The following PPP2R2C variants were observed in gnomAD, a reference collection of about 807,000 sequenced individuals.
PPP2R2C encodes protein phosphatase 2, regulatory subunit B, gamma.
Under a neutral mutation model 45.3 loss-of-function variants are expected in PPP2R2C, and 10 were observed. The observed-to-expected ratio is 0.22, with a 90% confidence interval of 0.14 to 0.37. The LOEUF (loss-of-function observed/expected upper bound fraction) is 0.37, where lower values mean the gene tolerates loss of function less well. Ranked by LOEUF, PPP2R2C falls within the 10% of genes least tolerant of loss-of-function variation. PPP2R2C has a pLI of 1.00. For synonymous variants in PPP2R2C, 257 were observed against 245.4 expected (o/e 1.05, Z -0.44); for missense variants, 308 against 619.7 (o/e 0.50, Z 5.34).
intron 2 of PPP2R2C, among the ~76,000 whole-genome samples, chr4:6,479,026 C>T (rs866238315): frequency 7.9e-5 from 12 of 152,200 alleles, no homozygotes; most frequent in African/African-American, 2.7e-4. Flanking sequence ...CTCAGCGGAG[C>T]GTGCAAGTAC....
At chr4:6,456,307 T>C (rs10601452) in intron 1 of PPP2R2C, among the ~76,000 whole-genome samples, 124 of 81,502 alleles carry the variant, frequency 1.5e-3, no homozygotes, top group African/African-American at 8.3e-3. Flanking sequence ...GGATGTTATT[T>C]CCCCCCCCCC....
At chr4:6,552,715 A>G (rs1725224450) in intron 1 of PPP2R2C, among the ~76,000 whole-genome samples, 1 of 152,196 alleles carries the variant, frequency 6.6e-6, no homozygotes, top group Non-Finnish European at 1.5e-5. Flanking sequence ...TTTGCCATGT[A>G]AGGTAACAAA....
intron 1 of PPP2R2C, among the ~76,000 whole-genome samples, chr4:6,448,269 CT>C (rs1720541724): frequency 6.6e-6 from 1 of 152,142 alleles, no homozygotes; most frequent in Admixed American, 6.5e-5. Context: ...GATGGGTACA[CT>C]GGGCACAGGC....
intron 1 of PPP2R2C, among the ~76,000 whole-genome samples, chr4:6,416,395 C>T (rs924457545): frequency 3.3e-5 from 5 of 152,188 alleles, no homozygotes; most frequent in African/African-American, 4.8e-5. Context: ...TCCACCATCC[C>T]GTGAAAATAC....
chr4:6,348,663 T>C (rs1712237142), intron 5 of PPP2R2C: 1 of 985,298 alleles, frequency 1.0e-6, no homozygotes, highest in Admixed American at 6.1e-5. Flanking sequence ...AAGGCTGGGA[T>C]GCAGCTTGGT....
At chr4:6,438,154 G>T (rs1032885500) in intron 1 of PPP2R2C, among the ~76,000 whole-genome samples, 1 of 152,184 alleles carries the variant, frequency 6.6e-6, no homozygotes, top group Non-Finnish European at 1.5e-5. Flanking sequence ...TATCTGGTCT[G>T]CATTTAACAA....
At chr4:6,553,764 G>C (rs1459543218) in intron 1 of PPP2R2C, among the ~76,000 whole-genome samples, 1 of 152,100 alleles carries the variant, frequency 6.6e-6, no homozygotes, top group Non-Finnish European at 1.5e-5. Flanking sequence ...TTTTTTATCA[G>C]ATGTCAGTGC....
chr4:6,460,647 T>C (rs1027336480), intron 1 of PPP2R2C, among the ~76,000 whole-genome samples: 18 of 152,182 alleles, frequency 1.2e-4, no homozygotes, highest in Non-Finnish European at 2.5e-4. Context: ...GGAATATATA[T>C]ATACCTAGAT....
At chr4:6,509,374 G>T (rs745853255) in intron 2 of PPP2R2C, among the ~76,000 whole-genome samples, 1 of 151,680 alleles carries the variant, frequency 6.6e-6, no homozygotes, top group Non-Finnish European at 1.5e-5. Flanking sequence ...ACATGTCAAA[G>T]ATTTATTAGC....
intron 2 of PPP2R2C, among the ~76,000 whole-genome samples, chr4:6,499,647 A>AT (rs963390024): frequency 2.1e-4 from 32 of 151,374 alleles, no homozygotes; most frequent in African/African-American, 7.5e-4. Context: ...GGAGGAGATG[A>AT]TTTTTTTTGT....
chr4:6,511,915 AT>A (rs1723577104), intron 2 of PPP2R2C, among the ~76,000 whole-genome samples: 1 of 1,606 alleles, frequency 6.2e-4, no homozygotes. Flanking sequence ...GGTGGTGGTG[AT>A]GGTGGTGGTG....
intron 5 of PPP2R2C, among the ~76,000 whole-genome samples, chr4:6,360,404 C>A (rs550863362): frequency 3.9e-5 from 6 of 152,200 alleles, no homozygotes; most frequent in Non-Finnish European, 7.3e-5. Flanking sequence ...GAGCAGGGAT[C>A]CATGAGAAAG....
Position 6,329,396 on chromosome 4 carries a change from C to T in PPP2R2C, c.961-43G>A. ...GAGGTGAGTGGACGGGGCGTCCCGACCATCCTGGCCCTTCCACAAGAAGGG... is the reference window on the plus strand; with the variant it reads ...GAGGTGAGTGGACGGGGCGTCCCGATCATCCTGGCCCTTCCACAAGAAGGG... On this transcript the variant is annotated intron_variant, in intron 7 of 8. Transcript: ENST00000382599. The surrounding 1 kb of genome is among the most constrained non-coding windows in gnomAD (Gnocchi z 5.8). 1 of 1,531,740 alleles carries T rather than the reference C, an allele frequency of 6.5e-7. No individual in the cohort carries two copies. The highest frequency in any genetic ancestry group is 1.1e-5 in the South Asian group (1 of 88,854). The allele number at this position is 1,531,740 out of a possible 1,614,324, so 94.9% of individuals were successfully genotyped here.
At chr4:6,501,987 G>A (rs1723071307) in intron 2 of PPP2R2C, among the ~76,000 whole-genome samples, 1 of 152,210 alleles carries the variant, frequency 6.6e-6, no homozygotes, top group South Asian at 2.1e-4. Flanking sequence ...AGAGGATTTG[G>A]TCTGGAAAAA....
intron 1 of PPP2R2C, among the ~76,000 whole-genome samples, chr4:6,389,158 TG>T (rs1716429047): frequency 6.6e-6 from 1 of 152,200 alleles, no homozygotes. Context: ...CAATGGGAAT[TG>T]ACATCCCTGC....
intron 1 of PPP2R2C, among the ~76,000 whole-genome samples, chr4:6,464,826 C>T (rs1164540958): frequency 6.9e-6 from 1 of 144,764 alleles, no homozygotes; most frequent in African/African-American, 2.6e-5. Context: ...TCTTCACACA[C>T]ACAAATGGTG....
chr4:6,510,449 C>G (rs1286923756), intron 2 of PPP2R2C, among the ~76,000 whole-genome samples: 4 of 152,230 alleles, frequency 2.6e-5, no homozygotes, highest in Non-Finnish European at 5.9e-5. Flanking sequence ...CACCTTCTAT[C>G]CATCACCCTG....
At chr4:6,548,410 C>T (rs945820979) in intron 1 of PPP2R2C, among the ~76,000 whole-genome samples, 2 of 152,184 alleles carry the variant, frequency 1.3e-5, no homozygotes, top group African/African-American at 4.8e-5. Flanking sequence ...CATCCCAAAG[C>T]ACAGACACAA....
chr4:6,538,249 G>A (rs1302047937), intron 1 of PPP2R2C, among the ~76,000 whole-genome samples: 4 of 152,096 alleles, frequency 2.6e-5, no homozygotes, highest in Non-Finnish European at 4.4e-5. Context: ...CCCACAGCTG[G>A]GGCGTCAGAT....
Sources: gnomAD v4.1 joint callset for allele counts (sites outside exome capture counted in the v4.1 genomes callset) on GRCh38, gnomAD v4.1.1 for gene constraint, Gnocchi (gnomAD v3.1) non-coding constraint, MANE v1.5 for transcripts, NCBI Gene and HGNC (gene_info 2026-07-23, HGNC 2026-07-21) for gene names.